EEF1D: variants seen among roughly 807,000 people sequenced by gnomAD.
EEF1D encodes elongation factor 1-delta.
A neutral mutation model predicts 63.9 loss-of-function variants in EEF1D; 47 were observed. The ratio of observed to expected loss-of-function variants is 0.74; its 90% CI spans 0.58 to 0.94. The LOEUF (loss-of-function observed/expected upper bound fraction) is 0.94. Among genes scored for constraint, EEF1D ranks in the 40% least tolerant of loss-of-function variants. The pLI is 0.00. For missense variants in EEF1D, 907 were observed against 899.0 expected (o/e 1.01, Z -0.11); for synonymous variants, 412 against 386.1 (o/e 1.07, Z -0.79).
chr8:143,585,535 T>C (rs370633394), intron 5 of EEF1D, among the ~76,000 whole-genome samples: 14 of 152,294 alleles, frequency 9.2e-5, no homozygotes, highest in African/African-American at 3.4e-4. Flanking sequence ...TGGAAAGCCA[T>C]AGCAGCAGCC....
At position 143,579,734 on chromosome 8, in the gene EEF1D, C is replaced by T. The variant is rs910505292; in HGVS notation, c.*58G>A. On this transcript the variant is annotated 3_prime_UTR_variant, in exon 10 of 10. Transcript: ENST00000618139. ...ACCAGGACGGAGCCAGAGGGCCGGT[C>T]TCAGTCTTTAATCGTGGCAGGGCCT... The T allele has an allele frequency of 2.7e-6, 4 of 1,505,860 alleles. No individual in the cohort carries two copies. The Admixed American group carries it at 9.1e-5, about 34-fold the overall frequency. The allele number at this position is 1,505,860 out of a possible 1,614,324, so 93.3% of individuals were successfully genotyped here.
intron 7 of EEF1D, 112 bp downstream of exon 7, chr8:143,580,942 A>G: frequency 7.7e-7 from 1 of 1,302,948 alleles, no homozygotes; most frequent in East Asian, 2.3e-5. Flanking sequence ...TGAGGACTCC[A>G]GTATCCTGGC....
chr8:143,592,785 T>C (rs1828191527), intron 1 of EEF1D, 125 bp from the exon 2 acceptor site: 7 of 801,022 alleles, frequency 8.7e-6, no homozygotes, highest in Non-Finnish European at 1.1e-5. Context: ...GGCGAGGTGG[T>C]GTGGAGGTGA....
At chr8:143,587,728 A>G (rs1019121191) in intron 3 of EEF1D, among the ~76,000 whole-genome samples, 1 of 152,244 alleles carries the variant, frequency 6.6e-6, no homozygotes, top group African/African-American at 2.4e-5. Context: ...GCTGCCCTAG[A>G]CAGGGACCAT....
intron 7 of EEF1D, 97 bp downstream of exon 7, chr8:143,580,957 A>C: frequency 2.2e-6 from 3 of 1,379,270 alleles, no homozygotes; most frequent in Non-Finnish European, 3.0e-6. Context: ...CCTGGCTGCC[A>C]GCTCATCACT....
At chr8:143,586,179 C>T (rs746924680) in intron 5 of EEF1D, 40 bp downstream of exon 5, 19 of 1,575,540 alleles carry the variant, frequency 1.2e-5, no homozygotes, top group African/African-American at 5.5e-5. Flanking sequence ...GCTGCTTGGC[C>T]GAGCAGGAGC....
At position 143,580,662 on chromosome 8, in the gene EEF1D, G is replaced by A. The variant is rs144710704; in HGVS notation, c.1554C>T (p.Asp518=). Residue 518 remains aspartate, a synonymous_variant, in exon 8 of 10, where the codon GAC becomes GAT. Transcript: ENST00000618139. ...AKKPATPAED[D]EDDDIDLFGS... is the part of the protein sequence containing the mutation. ...CAAACAGGTCAATGTCATCATCCTCGTCATCCTCTGCTGGTGTGGCTGGCT... is the reference window on the plus strand; with the variant it reads ...CAAACAGGTCAATGTCATCATCCTCATCATCCTCTGCTGGTGTGGCTGGCT... 61 of 1,613,748 alleles carry A rather than the reference G, an allele frequency of 3.8e-5. No individual in the cohort carries two copies. The African/African-American group carries it at 4.7e-4, about 12-fold the overall frequency.
rs1825455782 is a variant in EEF1D, at chr8:143,581,168, G to A, written c.1388-14C>T. ...GCTCCTGTACCACTGGGGGGGCAAG[G>A]GGAGCACGGTTAGATGGCAGGGGCC... On this transcript the variant is annotated splice_polypyrimidine_tract_variant and intron_variant, in intron 6 of 9. Transcript: ENST00000618139. 6.2e-7 allele frequency: 1 copy of A among 1,612,814 alleles called. No individual in the cohort carries two copies. The highest frequency in any genetic ancestry group is 1.3e-5 in the African/African-American group (1 of 74,938).
Position 143,581,088 on chromosome 8 carries a change from G to A in EEF1D, c.1454C>T (p.Ser485Leu), listed in dbSNP as rs368141371. Reference protein sequence around the residue: ...EARLNVLEKSSPGHRATAPQT... With the variant: ...EARLNVLEKSLPGHRATAPQT... ...TGGGGCCGTGGCCCGGTGGCCAGGC[G>A]AGCTCTTCTCCAGCACGTTCAGCCG... Residue 485 changes from serine (S) to leucine (L), a missense_variant, in exon 7 of 10, where the codon TCG becomes TTG. Transcript: ENST00000618139. 24 of 1,612,374 alleles carry A rather than the reference G, an allele frequency of 1.5e-5. No homozygotes were observed. In the East Asian group the frequency reaches 2.9e-4, roughly 19 times the overall value.
intron 2 of EEF1D, chr8:143,592,019 C>T: frequency 2.0e-6 from 2 of 985,234 alleles, no homozygotes; most frequent in African/African-American, 1.7e-5. Context: ...CCATGGGAGG[C>T]CACAGGGCCC....
At chr8:143,593,582 T>C (rs896642664) in intron 1 of EEF1D, among the ~76,000 whole-genome samples, 7 of 152,118 alleles carry the variant, frequency 4.6e-5, no homozygotes, top group African/African-American at 1.7e-4. Flanking sequence ...GGGAGCACCC[T>C]GCAGGGAGGA....
intron 5 of EEF1D, chr8:143,584,382 CGCT>C (rs1826137606): frequency 7.2e-6 from 1 of 138,266 alleles, no homozygotes; most frequent in Non-Finnish European, 1.6e-5. Context: ...GAAACCCTGC[CGCT>C]ACTAAAAAAA....
intron 2 of EEF1D, chr8:143,592,126 T>TTGGGGG (rs1828072591): frequency 1.0e-6 from 1 of 985,018 alleles, no homozygotes; most frequent in Non-Finnish European, 1.2e-6. Context: ...GGGTTGTGGG[T>TTGGGGG]TGGGGGTGGG....
At chr8:143,584,411 A>G (rs1406836624) in intron 5 of EEF1D, among the ~76,000 whole-genome samples, 4 of 151,994 alleles carry the variant, frequency 2.6e-5, no homozygotes, top group African/African-American at 9.7e-5. Context: ...AAAAAGAAAA[A>G]AAAATGTCAG....
chr8:143,580,256 C>A, intron 8 of EEF1D, 50 bp from the exon 9 acceptor site: 1 of 1,572,488 alleles, frequency 6.4e-7, no homozygotes, highest in Non-Finnish European at 8.7e-7. Flanking sequence ...TCAGAACACC[C>A]AGGAAGTACC....
In EEF1D at chr8:143,581,157, G is replaced by C. The variant is rs1366024837; in HGVS notation, c.1388-3C>G. The C allele has an allele frequency of 6.2e-7, 1 of 1,612,538 alleles. No individual in the cohort carries two copies. Among genetic ancestry groups the C allele is most frequent in the Non-Finnish European group, 8.5e-7 (1 of 1,179,834 alleles). On this transcript the variant is annotated splice_region_variant and splice_polypyrimidine_tract_variant and intron_variant, in intron 6 of 9. Transcript: ENST00000618139. ...GGCCTGCTGCAGCTCCTGTACCACTGGGGGGGCAAGGGGAGCACGGTTAGA... is the reference window on the plus strand; with the variant it reads ...GGCCTGCTGCAGCTCCTGTACCACTCGGGGGGCAAGGGGAGCACGGTTAGA...
At position 143,580,551 on chromosome 8, in the gene EEF1D, C is replaced by A; in HGVS notation, c.1665G>T (p.Lys555Asn). Reference sequence around the variant, plus strand: ...TGGAGGACTTGGCCACCAGTGCAGGCTTCTTGGCCTTCTTCTCCGCGTACT... The same window carrying A: ...TGGAGGACTTGGCCACCAGTGCAGGATTCTTGGCCTTCTTCTCCGCGTACT... The part of the protein sequence containing the change: ...LRQYAEKKAK[K>N]PALVAKSSIL... Residue 555 changes from lysine (K) to asparagine (N), a missense_variant, in exon 8 of 10, where the codon AAG becomes AAT. Transcript: ENST00000618139. The A allele has an allele frequency of 6.2e-7, 1 of 1,613,134 alleles. No individual in the cohort carries two copies.
At chr8:143,585,966 C>T (rs556113934) in intron 5 of EEF1D, 14 of 464,002 alleles carry the variant, frequency 3.0e-5, no homozygotes, top group South Asian at 1.7e-4. Flanking sequence ...AGCTCCCAGC[C>T]GGCCCCACAG....
intron 1 of EEF1D, chr8:143,593,745 G>A (rs974516214): frequency 1.9e-6 from 1 of 536,352 alleles, no homozygotes; most frequent in Non-Finnish European, 2.4e-6. Flanking sequence ...CTGGAGGCCA[G>A]GCCCGTCACC....
Sources: gnomAD v4.1 joint callset for allele counts (sites outside exome capture counted in the v4.1 genomes callset) on GRCh38, gnomAD v4.1.1 for gene constraint, MANE v1.5 for transcripts, NCBI Gene and HGNC (gene_info 2026-07-23, HGNC 2026-07-21) for gene names.